The following MTFR1 variants were observed in gnomAD, a reference collection of about 807,000 sequenced individuals.
MTFR1 encodes the protein chondrocyte protein with a poly-proline region.
Under a neutral mutation model 38.8 loss-of-function variants are expected in MTFR1, and 28 were observed. The observed-to-expected ratio is 0.72, with a 90% CI of 0.53 to 0.99. The LOEUF is 0.99. Ranked by LOEUF, MTFR1 falls within the 50% of genes least tolerant of loss-of-function variation. The probability of loss-of-function intolerance (pLI) is 0.00; values close to 1 mark genes in which losing one functional copy is unlikely to be tolerated. For missense variants in MTFR1, 358 were observed against 395.5 expected (o/e 0.91, Z 0.81); for synonymous variants, 145 against 137.0 (o/e 1.06, Z -0.41).
At chr8:65,752,982 A>G (rs1055498859) in intron 3 of MTFR1, among the ~76,000 whole-genome samples, 7 of 152,166 alleles carry the variant, frequency 4.6e-5, no homozygotes, top group African/African-American at 1.7e-4. Flanking sequence ...CTGAATGTAC[A>G]TGTCTAATGC....
chr8:65,709,101 T>A lies in MTFR1; in HGVS notation c.*57T>A. ...CCCCTGTTGATTTGTGAGGGCCAAG[T>A]TTGCTAGTAGAAATCGACACTGTTT... On this transcript the variant is annotated 3_prime_UTR_variant, in exon 8 of 8. Coordinates refer to ENST00000262146, the MANE Select transcript of MTFR1 (RefSeq NM_014637.4). 6.6e-7 allele frequency: 1 copy of A among 1,508,428 alleles called. No homozygotes were observed. Among genetic ancestry groups the A allele is most frequent in the Non-Finnish European group, 9.2e-7 (1 of 1,084,180 alleles). The allele number at this position is 1,508,428 out of a possible 1,614,324, so 93.4% of individuals were successfully genotyped here. A position where few individuals can be genotyped will look rare whatever the true frequency, so the allele number is the denominator to read the frequency against.
upstream of MTFR1, chr8:65,644,600 T>A (rs765106905): frequency 6.6e-6 from 1 of 152,246 alleles, no homozygotes; most frequent in Non-Finnish European, 1.5e-5. Context: ...AGCAGCCGGC[T>A]TGCGGAGCGG....
intron 3 of MTFR1, among the ~76,000 whole-genome samples, chr8:65,761,074 T>C (rs1234531584): frequency 6.6e-6 from 1 of 152,028 alleles, no homozygotes; most frequent in Non-Finnish European, 1.5e-5. Context: ...CTTTTTTTTT[T>C]TTTTAGACGG....
intron 1 of MTFR1, among the ~76,000 whole-genome samples, chr8:65,667,762 A>G (rs370056609): frequency 6.6e-6 from 1 of 152,166 alleles, no homozygotes; most frequent in East Asian, 1.9e-4. Flanking sequence ...CTATTCTACC[A>G]TATTGAGTCA....
intron 3 of MTFR1, chr8:65,682,911 A>T: frequency 1.0e-6 from 1 of 985,388 alleles, no homozygotes; most frequent in African/African-American, 1.7e-5. Context: ...TATAGGATCC[A>T]TTGCCTTGGC....
chr8:65,657,214 T>C (rs967729792), intron 1 of MTFR1, among the ~76,000 whole-genome samples: 3 of 152,124 alleles, frequency 2.0e-5, no homozygotes, highest in Admixed American at 6.6e-5. Context: ...AGTTTCACCA[T>C]GTTGGCCGGG....
rs577169299 is a variant in MTFR1, at chr8:65,689,715, T to C, written c.166-3929T>C. The stretch of plus-strand genomic sequence containing the variant: ...GGGCTGACTTCACCTTGACTTGTAC[T>C]TTACTAAGTGCATTGTCCTGGAAAT... On this transcript the variant is annotated intron_variant, in intron 3 of 7. Transcript: ENST00000262146. 3.9e-5 allele frequency: 21 copies of C among 541,358 alleles called. No homozygotes were observed. The South Asian group carries it at 5.6e-4, about 14-fold the overall frequency. 33.5% of individuals were successfully genotyped at this position (541,358 alleles called of 1,614,324 possible). A position where few individuals can be genotyped will look rare whatever the true frequency, so the allele number is the denominator to read the frequency against.
chr8:65,685,756 T>A (rs1169209011), intron 3 of MTFR1, among the ~76,000 whole-genome samples: 1 of 152,202 alleles, frequency 6.6e-6, no homozygotes, highest in Non-Finnish European at 1.5e-5. Flanking sequence ...AAAGTCAATA[T>A]GCTAATAAAG....
intron 2 of MTFR1, among the ~76,000 whole-genome samples, chr8:65,715,996 CAAAAAAAAAAAA>C (rs779701295): frequency 8.6e-4 from 29 of 33,864 alleles, no homozygotes; most frequent in Admixed American, 3.0e-3. Context: ...GGCTCTGTCT[CAAAAAAAAAAAA>C]AAAAAAAAAA....
intron 3 of MTFR1, among the ~76,000 whole-genome samples, chr8:65,729,805 G>A (rs2128894699): frequency 6.6e-6 from 1 of 152,074 alleles, no homozygotes; most frequent in Middle Eastern, 3.4e-3. Context: ...CTAATCTCAG[G>A]TGATCCGCCT....
chr8:65,757,172 G>A (rs2357474), intron 3 of MTFR1, among the ~76,000 whole-genome samples: 34,771 of 152,080 alleles, frequency 0.23, 5,588 homozygotes, highest in African/African-American at 0.46. Flanking sequence ...AATCAGAAAA[G>A]TGGGCAGACA....
At position 65,735,001 on chromosome 8, in the gene MTFR1, C is replaced by T. The variant is rs958162049; in HGVS notation, c.*48+15520C>T. 2.5e-5 allele frequency: 18 copies of T among 715,500 alleles called. No individual in the cohort carries two copies. The East Asian group carries it at 2.6e-4, about 10-fold the overall frequency. The allele number at this position is 715,500 out of a possible 1,614,324, so 44.3% of individuals were successfully genotyped here. A position where few individuals can be genotyped will look rare whatever the true frequency, so the allele number is the denominator to read the frequency against. On this transcript the variant is annotated intron_variant, in intron 3 of 3. Coordinates refer to the MTFR1 transcript ENST00000521247. ...CCACTCATACTTTTCATGTAGCTAT[C>T]GGCTAAAATCGTGCCGATTCGGGCA... is the stretch of plus-strand genomic sequence containing the variant.
intron 3 of MTFR1, among the ~76,000 whole-genome samples, chr8:65,686,732 G>A (rs1037936370): frequency 1.3e-5 from 2 of 151,998 alleles, no homozygotes; most frequent in Admixed American, 1.3e-4. Flanking sequence ...CGACCAGCTC[G>A]GCCACTGTGG....
At chr8:65,768,046 A>G (rs1808881974) in intron 3 of MTFR1, among the ~76,000 whole-genome samples, 1 of 152,064 alleles carries the variant, frequency 6.6e-6, no homozygotes, top group Admixed American at 6.6e-5. Flanking sequence ...CAGTGTTGGA[A>G]CTGAATTAGA....
chr8:65,657,099 C>T (rs898036945), intron 1 of MTFR1, among the ~76,000 whole-genome samples: 8 of 150,986 alleles, frequency 5.3e-5, no homozygotes, highest in African/African-American at 1.5e-4. Flanking sequence ...CTGTAACATC[C>T]GCCTCCTGAG....
chr8:65,732,188 G>A (rs1281423324), intron 3 of MTFR1, among the ~76,000 whole-genome samples: 2 of 151,732 alleles, frequency 1.3e-5, no homozygotes, highest in African/African-American at 4.8e-5. Context: ...TAGTAGAGAC[G>A]GGGTTTCACC....
At chr8:65,761,909 T>A (rs1206665287) in intron 3 of MTFR1, among the ~76,000 whole-genome samples, 1 of 152,196 alleles carries the variant, frequency 6.6e-6, no homozygotes, top group Non-Finnish European at 1.5e-5. Flanking sequence ...TTCCACAGAT[T>A]CTTTTCTATC....
At chr8:65,655,596 G>A (rs7011819) in intron 1 of MTFR1, among the ~76,000 whole-genome samples, 132,685 of 151,992 alleles carry the variant, frequency 0.87, 58,343 homozygotes, top group African/African-American at 0.96. Flanking sequence ...AGTATCAACT[G>A]GACTGATGTG....
At chr8:65,760,991 C>T (rs938344908) in intron 3 of MTFR1, among the ~76,000 whole-genome samples, 5 of 151,948 alleles carry the variant, frequency 3.3e-5, no homozygotes, top group East Asian at 3.9e-4. Context: ...TACTTTCATC[C>T]GAACAATTAC....
Sources: gnomAD v4.1 joint callset for allele counts (sites outside exome capture counted in the v4.1 genomes callset) on GRCh38, gnomAD v4.1.1 for gene constraint, MANE v1.5 for transcripts, NCBI Gene and HGNC (gene_info 2026-07-23, HGNC 2026-07-21) for gene names.